Variants in IL1RAP observed in about 807,000 individuals in gnomAD.
IL1RAP encodes the protein interleukin 1 receptor accessory protein.
A neutral mutation model predicts 60.7 loss-of-function variants in IL1RAP; 35 were observed. The observed-to-expected ratio is 0.58, with a 90% CI of 0.44 to 0.76. The LOEUF (loss-of-function observed/expected upper bound fraction) is 0.76, where lower values mean the gene tolerates loss of function less well. IL1RAP is among the 30% of genes least tolerant of loss of function. The pLI is 0.00. For missense variants in IL1RAP, 572 were observed against 693.9 expected, an observed-to-expected ratio of 0.82 and a Z score of 1.97; for synonymous variants, 268 against 250.9, an observed-to-expected ratio of 1.07 and a Z score of -0.64.
chr3:190,576,666 G>C (rs563623727), intron 3 of IL1RAP, among the ~76,000 whole-genome samples: 2 of 152,224 alleles, frequency 1.3e-5, no homozygotes, highest in African/African-American at 2.4e-5. Flanking sequence ...GAGCTCACCT[G>C]GAATAGGCTT....
At chr3:190,604,480 C>T (rs1324581936) in intron 4 of IL1RAP, 67 bp downstream of exon 4, 16 of 1,514,062 alleles carry the variant, frequency 1.1e-5, no homozygotes, top group East Asian at 2.3e-5. Flanking sequence ...CCGGATGATC[C>T]GTGTGCTAGG....
Position 190,627,309 on chromosome 3 carries a change from G to T in IL1RAP, c.776-14G>T, listed in dbSNP as rs1339836425. 1.4e-5 allele frequency: 19 copies of T among 1,346,992 alleles called. No homozygotes were observed. The highest frequency in any genetic ancestry group is 6.2e-5 in the African/African-American group (4 of 65,014). 83.4% of individuals were successfully genotyped at this position (1,346,992 alleles called of 1,614,324 possible). A position where few individuals can be genotyped will look rare whatever the true frequency, so the allele number is the denominator to read the frequency against. ...GTTTTTTGTTTTTTTTGTTTTTTTG[G>T]TTTTTTTTTTCAGGAGAGGAGCTAC... On this transcript the variant is annotated splice_polypyrimidine_tract_variant and intron_variant, in intron 7 of 11. Transcript: ENST00000447382.
At chr3:190,603,410 A>G (rs1730026099) in intron 3 of IL1RAP, among the ~76,000 whole-genome samples, 1 of 152,168 alleles carries the variant, frequency 6.6e-6, no homozygotes, top group African/African-American at 2.4e-5. Context: ...AAGGAGTATT[A>G]CTGAGATCTC....
intron 3 of IL1RAP, among the ~76,000 whole-genome samples, chr3:190,588,669 T>C (rs1728680366): frequency 6.6e-6 from 1 of 152,204 alleles, no homozygotes. Flanking sequence ...TTTTCTAAAT[T>C]TGATTTTTCT....
chr3:190,627,787 A>T (rs1040630809), intron 8 of IL1RAP, among the ~76,000 whole-genome samples: 1 of 152,212 alleles, frequency 6.6e-6, no homozygotes, highest in South Asian at 2.1e-4. Context: ...GAGAGAATAC[A>T]TATCTTACAT....
chr3:190,583,161 ATTAT>A (rs1195846647), intron 3 of IL1RAP, among the ~76,000 whole-genome samples: 1 of 152,192 alleles, frequency 6.6e-6, no homozygotes, highest in Non-Finnish European at 1.5e-5. Flanking sequence ...TAATTGGGTA[ATTAT>A]TTATTTAACT....
chr3:190,616,510 T>C (rs979335687), intron 5 of IL1RAP, among the ~76,000 whole-genome samples: 4 of 152,184 alleles, frequency 2.6e-5, no homozygotes, highest in South Asian at 2.1e-4. Flanking sequence ...TGTGTAATCA[T>C]TGCATGACTT....
chr3:190,543,309 G>C (rs902626369), intron 1 of IL1RAP, among the ~76,000 whole-genome samples: 1 of 152,076 alleles, frequency 6.6e-6, no homozygotes, highest in Non-Finnish European at 1.5e-5. Flanking sequence ...TTGAGAAACA[G>C]CCTGTAGAAT....
chr3:190,648,288 T>C (rs1259892531), intron 11 of IL1RAP, 50 bp from the exon 12 acceptor site: 1 of 1,527,648 alleles, frequency 6.5e-7, no homozygotes, highest in Admixed American at 2.2e-5. Context: ...CTCAATGCTT[T>C]TGGGGAGTTT....
intron 3 of IL1RAP, among the ~76,000 whole-genome samples, chr3:190,593,468 C>G (rs951951553): frequency 6.6e-6 from 1 of 152,168 alleles, no homozygotes; most frequent in African/African-American, 2.4e-5. Flanking sequence ...TTAGTTTTCT[C>G]TCATACTGCT....
chr3:190,587,264 T>C (rs996192041), intron 3 of IL1RAP, among the ~76,000 whole-genome samples: 75 of 152,230 alleles, frequency 4.9e-4, no homozygotes, highest in African/African-American at 1.8e-3. Context: ...CCTACTGACT[T>C]GCTGTGTAAT....
At position 190,644,370 on chromosome 3, in the gene IL1RAP, C is replaced by A; in HGVS notation, c.1174C>A (p.His392Asn). ...WLEMVLFYRAHFGTDETILDG... is the reference protein window; with the variant it reads ...WLEMVLFYRANFGTDETILDG... ...AGAGATGGTCCTATTTTACCGGGCT[C>A]ATTTTGGAACAGATGAAACCATTTT... Residue 392 changes from histidine to asparagine, a missense_variant, in exon 10 of 12, where the codon CAT becomes AAT. His to Asn is a moderately conservative substitution (Grantham distance 68). Coordinates refer to ENST00000447382, the MANE Select transcript of IL1RAP (RefSeq NM_002182.4). 1 of 1,613,838 alleles carries A rather than the reference C, an allele frequency of 6.2e-7. No individual in the cohort carries two copies. Among genetic ancestry groups the A allele is most frequent in the Non-Finnish European group, 8.5e-7 (1 of 1,179,878 alleles).
rs73886463 is a variant in IL1RAP at position 190,526,644 on chromosome 3, A to T, written c.-89+12425A>T. Among the ~76,000 whole-genome samples the T allele has an allele frequency of 7.0e-3, 1,063 of 152,340 alleles. 17 individuals are homozygous for T. The highest frequency in any genetic ancestry group is 0.022 in the African/African-American group (924 of 41,574). On this transcript the variant is annotated intron_variant, in intron 1 of 11. Coordinates refer to ENST00000447382, the MANE Select transcript of IL1RAP (RefSeq NM_002182.4). ...ATGTTGTTGGCACAAATGTAGGGCC[A>T]TTGTGAGGATTACATGAAGTGTGCA...
intron 9 of IL1RAP, among the ~76,000 whole-genome samples, chr3:190,632,302 A>G (rs1164787950): frequency 1.3e-5 from 2 of 152,216 alleles, no homozygotes; most frequent in Admixed American, 1.3e-4. Context: ...TGATGGATGC[A>G]TAGTTTTATT....
chr3:190,628,141 A>G (rs1732472273), intron 8 of IL1RAP, among the ~76,000 whole-genome samples: 1 of 152,202 alleles, frequency 6.6e-6, no homozygotes. Flanking sequence ...AAGCGTTGGC[A>G]AAGTGGAAAG....
At chr3:190,658,454 T>A (rs1273568349) in exon 12 of IL1RAP, 1 of 152,210 alleles carries the variant, frequency 6.6e-6, no homozygotes. Context: ...TGATCTGACC[T>A]AACCCTCCAT....
At chr3:190,619,402 T>A (rs1731563089) in intron 5 of IL1RAP, among the ~76,000 whole-genome samples, 3 of 152,184 alleles carry the variant, frequency 2.0e-5, no homozygotes. Context: ...GAAGATATTT[T>A]ATTTTTAGTT....
intron 3 of IL1RAP, among the ~76,000 whole-genome samples, chr3:190,584,290 G>A (rs1339913198): frequency 6.6e-6 from 1 of 152,166 alleles, no homozygotes; most frequent in Non-Finnish European, 1.5e-5. Flanking sequence ...ATATGTGATT[G>A]CTTCAAGTTT....
chr3:190,533,848 C>T (rs887349722), intron 1 of IL1RAP, among the ~76,000 whole-genome samples: 7 of 152,176 alleles, frequency 4.6e-5, no homozygotes, highest in Non-Finnish European at 8.8e-5. Flanking sequence ...AAAATACTCC[C>T]TTTGCGGTTG....
Sources: gnomAD v4.1 joint callset for allele counts (sites outside exome capture counted in the v4.1 genomes callset) on GRCh38, gnomAD v4.1.1 for gene constraint, MANE v1.5 for transcripts, NCBI Gene and HGNC (gene_info 2026-07-23, HGNC 2026-07-21) for gene names.